The following ARHGAP26 variants were observed in gnomAD, a reference collection of about 807,000 sequenced individuals.
The protein encoded by ARHGAP26 is Rho GTPase activating protein 26.
In ARHGAP26, 38 loss-of-function variants were observed where a neutral mutation model predicts 104.8. That is an observed-to-expected ratio of 0.36 (90% CI 0.28 to 0.48). The LOEUF (loss-of-function observed/expected upper bound fraction) is 0.48. ARHGAP26 is among the 20% of genes least tolerant of loss of function. The probability of loss-of-function intolerance (pLI) is 0.99; values close to 1 mark genes in which losing one functional copy is unlikely to be tolerated. For missense variants in ARHGAP26, 704 were observed against 947.9 expected (o/e 0.74, Z 3.38); for synonymous variants, 341 against 340.0 (o/e 1.00, Z -0.03).
At chr5:142,937,684 A>T (rs1765635155) in intron 11 of ARHGAP26, among the ~76,000 whole-genome samples, 1 of 152,214 alleles carries the variant, frequency 6.6e-6, no homozygotes, top group South Asian at 2.1e-4. Flanking sequence ...AAACTGGTAC[A>T]TCCATGCAAT....
chr5:143,100,818 C>T (rs766654606), intron 17 of ARHGAP26, among the ~76,000 whole-genome samples: 7 of 152,186 alleles, frequency 4.6e-5, no homozygotes, highest in African/African-American at 4.8e-5. Context: ...AGGCCATGCA[C>T]GGTGGCTCAT....
At chr5:142,949,197 G>A (rs1183680983) in intron 11 of ARHGAP26, among the ~76,000 whole-genome samples, 4,090 of 38,716 alleles carry the variant, frequency 0.11, 635 homozygotes, top group South Asian at 0.24. Context: ...GAGAGAGAGA[G>A]AGAGAGAGAG....
chr5:142,976,587 C>T (rs543840272), intron 11 of ARHGAP26, among the ~76,000 whole-genome samples: 7 of 152,200 alleles, frequency 4.6e-5, no homozygotes, highest in South Asian at 2.1e-4. Flanking sequence ...TGAATAAAAG[C>T]GCACCTAAGT....
intron 5 of ARHGAP26, among the ~76,000 whole-genome samples, chr5:142,886,726 A>G (rs930022390): frequency 5.9e-5 from 9 of 152,226 alleles, no homozygotes; most frequent in Admixed American, 5.9e-4. Context: ...AAAAATAAAA[A>G]AAAAAAATCT....
intron 14 of ARHGAP26, 90 bp downstream of exon 14, chr5:143,041,980 G>A: frequency 8.7e-7 from 1 of 1,143,264 alleles, no homozygotes; most frequent in South Asian, 1.3e-5. Context: ...TACAGCCTGT[G>A]GCAAAGGAAT....
At chr5:143,135,581 C>T (rs1599171084) in intron 19 of ARHGAP26, among the ~76,000 whole-genome samples, 1 of 152,146 alleles carries the variant, frequency 6.6e-6, no homozygotes, top group East Asian at 1.9e-4. Context: ...AAAAGCAAAC[C>T]TTCCCCATCC....
intron 1 of ARHGAP26, among the ~76,000 whole-genome samples, chr5:142,833,052 T>C (rs1160530707): frequency 6.6e-6 from 1 of 152,040 alleles, no homozygotes; most frequent in East Asian, 1.9e-4. Context: ...AGAGAACTTT[T>C]ATTTCTTTTT....
chr5:142,974,219 A>T (rs578244910), intron 11 of ARHGAP26, among the ~76,000 whole-genome samples: 37 of 147,090 alleles, frequency 2.5e-4, no homozygotes, highest in African/African-American at 6.5e-4. Context: ...TTTTTTTTTT[A>T]AATATCTGAA....
intron 21 of ARHGAP26, among the ~76,000 whole-genome samples, chr5:143,213,209 C>G (rs1028811956): frequency 6.6e-6 from 1 of 152,218 alleles, no homozygotes; most frequent in Non-Finnish European, 1.5e-5. Context: ...ACCTAGACAT[C>G]TGCATTTTCT....
intron 15 of ARHGAP26, among the ~76,000 whole-genome samples, chr5:143,055,520 G>A (rs1785674152): frequency 6.6e-6 from 1 of 152,154 alleles, no homozygotes; most frequent in African/African-American, 2.4e-5. Flanking sequence ...ACCCCAGCAG[G>A]TAAAATTTGT....
chr5:143,063,708 G>A (rs1787079733), intron 17 of ARHGAP26, among the ~76,000 whole-genome samples: 1 of 152,180 alleles, frequency 6.6e-6, no homozygotes, highest in Non-Finnish European at 1.5e-5. Context: ...TCTCCTGTCT[G>A]GAATGGCCCC....
intron 11 of ARHGAP26, among the ~76,000 whole-genome samples, chr5:143,012,552 C>CATATATACATACAT (rs1554195629): frequency 9.6e-5 from 2 of 20,846 alleles, no homozygotes; most frequent in African/African-American, 2.4e-4. Flanking sequence ...TACATACATA[C>CATATATACATACAT]ATATATATAT....
intron 12 of ARHGAP26, among the ~76,000 whole-genome samples, chr5:143,017,465 A>G (rs528838994): frequency 6.6e-6 from 1 of 151,592 alleles, no homozygotes; most frequent in East Asian, 1.9e-4. Context: ...AATTCATCAC[A>G]CTCCCCTGTT....
At chr5:142,905,472 A>G (rs1057314161) in intron 8 of ARHGAP26, among the ~76,000 whole-genome samples, 87 of 152,314 alleles carry the variant, frequency 5.7e-4, no homozygotes, top group African/African-American at 1.9e-3. Context: ...ACAATGGTGT[A>G]AGGAACAACC....
At position 143,097,813 on chromosome 5, in the gene ARHGAP26, C is replaced by T. The variant is rs112918861; in HGVS notation, c.1539-23175C>T. On this transcript the variant is annotated intron_variant, in intron 17 of 22. Transcript: ENST00000645722. ...TGCCAGCCTGGGTGACAGAACGAGA[C>T]TCCAACTCAAAAAAAAAAAAAAAAG... Among the ~76,000 whole-genome samples, 744 of 112,356 alleles carry T rather than the reference C, an allele frequency of 6.6e-3. 9 individuals carry two copies. Among genetic ancestry groups the T allele is most frequent in the African/African-American group, 0.024 (706 of 28,820 alleles). The allele number at this position is 112,356 out of a possible 152,430, so 73.7% of individuals were successfully genotyped here.
intron 1 of ARHGAP26, among the ~76,000 whole-genome samples, chr5:142,830,007 T>C (rs1768074920): frequency 6.6e-6 from 1 of 152,182 alleles, no homozygotes; most frequent in Admixed American, 6.5e-5. Flanking sequence ...CTGATGAGAA[T>C]AGTAGGAAGG....
In ARHGAP26 at chr5:142,879,460, A is replaced by C; in HGVS notation, c.384+15A>C. ...GGGCTGCCAAGGTGAGAATTTTGCA[A>C]GCTTTGGTCTGGATTTTAGGGTGAG... On this transcript the variant is annotated intron_variant, in intron 4 of 22. Transcript: ENST00000645722. 6.2e-7 allele frequency: 1 copy of C among 1,607,486 alleles called. No individual in the cohort carries two copies.
chr5:143,097,670 A>C (rs1173577300), intron 17 of ARHGAP26, among the ~76,000 whole-genome samples: 2 of 151,940 alleles, frequency 1.3e-5, no homozygotes, highest in Non-Finnish European at 2.9e-5. Context: ...AATACAAAAA[A>C]AATTAGCTGG....
intron 17 of ARHGAP26, among the ~76,000 whole-genome samples, chr5:143,073,634 G>T (rs559285734): frequency 2.0e-5 from 3 of 152,194 alleles, no homozygotes; most frequent in Admixed American, 1.3e-4. Flanking sequence ...TAATGTACCA[G>T]GCCTTCAGTT....
Sources: allele counts gnomAD v4.1 joint callset (sites outside exome capture counted in the v4.1 genomes callset), GRCh38; gene constraint gnomAD v4.1.1; transcripts MANE v1.5; gene names NCBI Gene and HGNC (gene_info 2026-07-23, HGNC 2026-07-21).